EVL: variants seen among roughly 807,000 people sequenced by gnomAD.
EVL encodes the protein ena/VASP-like protein.
EVL carries 21 observed loss-of-function variants against 59.6 expected under a neutral mutation model. That is an observed-to-expected ratio of 0.35 (90% CI 0.25 to 0.51). The LOEUF (loss-of-function observed/expected upper bound fraction) is 0.51. EVL is among the 20% of genes least tolerant of loss of function. The probability of loss-of-function intolerance (pLI) is 0.97; values close to 1 mark genes in which losing one functional copy is unlikely to be tolerated. For missense variants in EVL, 462 were observed against 546.6 expected (o/e 0.85, Z 1.54); for synonymous variants, 198 against 203.5 (o/e 0.97, Z 0.23).
rs544083858 is a variant in EVL, at chr14:100,117,376, G to A, written c.359-6163G>A. ...AGAAGGGGCTCCGCCAGGGGGCTCC[G>A]AGCCGCAGCTTCTCACACTCGCACC... is the stretch of plus-strand genomic sequence containing the variant. On this transcript the variant is annotated intron_variant, in intron 3 of 13. Coordinates refer to ENST00000392920, the MANE Select transcript of EVL (RefSeq NM_016337.3). Among the ~76,000 whole-genome samples, 11 of 152,030 alleles carry A rather than the reference G, an allele frequency of 7.2e-5. No homozygotes were observed. The South Asian group carries it at 1.0e-3, about 14-fold the overall frequency.
intron 1 of EVL, among the ~76,000 whole-genome samples, chr14:100,006,127 G>A (rs866839544): frequency 3.3e-5 from 5 of 151,756 alleles, no homozygotes; most frequent in African/African-American, 7.3e-5. Flanking sequence ...TGATCAGGTC[G>A]GATAGAGTTG....
intron 1 of EVL, among the ~76,000 whole-genome samples, chr14:100,056,034 A>G (rs529610076): frequency 1.3e-5 from 2 of 151,674 alleles, no homozygotes; most frequent in South Asian, 2.1e-4. Flanking sequence ...CTGGTCTCGA[A>G]CTCCTGACCT....
chr14:100,045,350 C>G (rs1438058921), intron 1 of EVL, among the ~76,000 whole-genome samples: 4 of 152,168 alleles, frequency 2.6e-5, no homozygotes, highest in Non-Finnish European at 1.5e-5. Context: ...GCCTTGTTAT[C>G]GCACCTGCCA....
chr14:99,976,714 C>T (rs749946647), intron 1 of EVL, among the ~76,000 whole-genome samples: 2 of 152,304 alleles, frequency 1.3e-5, no homozygotes, highest in South Asian at 2.1e-4. Flanking sequence ...ATTGAAATAT[C>T]TCTAAGCTGA....
intron 4 of EVL, among the ~76,000 whole-genome samples, chr14:100,126,420 A>G (rs997095865): frequency 6.6e-6 from 1 of 152,178 alleles, no homozygotes; most frequent in African/African-American, 2.4e-5. Context: ...AGCCCAGGGA[A>G]GAGCTTGGTC....
intron 13 of EVL, 40 bp from the exon 14 acceptor site, chr14:100,143,661 G>A (rs1298877830): frequency 6.4e-7 from 1 of 1,565,576 alleles, no homozygotes; most frequent in East Asian, 2.3e-5. Context: ...GGGCTGCACT[G>A]GTCATGGCTG....
At chr14:100,003,065 T>C (rs1397090975) in intron 1 of EVL, among the ~76,000 whole-genome samples, 2 of 152,216 alleles carry the variant, frequency 1.3e-5, no homozygotes, top group African/African-American at 4.8e-5. Context: ...TGCATCAGTG[T>C]ACCTATGACG....
At chr14:99,981,335 G>C (rs1447822440) in intron 1 of EVL, among the ~76,000 whole-genome samples, 1 of 152,108 alleles carries the variant, frequency 6.6e-6, no homozygotes, top group East Asian at 1.9e-4. Flanking sequence ...GGGAGGCTGA[G>C]GCAGAAGAAT....
intron 1 of EVL, among the ~76,000 whole-genome samples, chr14:100,010,878 A>G (rs1002371043): frequency 6.6e-6 from 1 of 152,218 alleles, no homozygotes; most frequent in African/African-American, 2.4e-5. Context: ...CTGTGAATCA[A>G]ATGTTCCGTT....
At chr14:100,142,984 C>G (rs1158723037) in intron 13 of EVL, among the ~76,000 whole-genome samples, 2 of 152,238 alleles carry the variant, frequency 1.3e-5, no homozygotes, top group Non-Finnish European at 2.9e-5. Flanking sequence ...AGCTCCCATC[C>G]CCCAGCCCCC....
intron 3 of EVL, among the ~76,000 whole-genome samples, chr14:100,113,125 A>T (rs1887109084): frequency 6.6e-6 from 1 of 151,876 alleles, no homozygotes; most frequent in African/African-American, 2.4e-5. Context: ...GGGGATGGAC[A>T]GACGTTCACC....
intron 1 of EVL, among the ~76,000 whole-genome samples, chr14:100,081,346 A>G (rs950941273): frequency 1.3e-5 from 2 of 152,210 alleles, no homozygotes; most frequent in African/African-American, 4.8e-5. Flanking sequence ...ATAAGCCCAA[A>G]TTAGCAAAAC....
Position 99,972,487 on chromosome 14 carries a change from G to A in EVL, c.5+430G>A, listed in dbSNP as rs1424864705. Among the ~76,000 whole-genome samples, 1 of 152,172 alleles carries A rather than the reference G, an allele frequency of 6.6e-6. No homozygotes were observed. The highest frequency in any genetic ancestry group is 1.5e-5 in the Non-Finnish European group (1 of 68,018). On this transcript the variant is annotated intron_variant, in intron 1 of 13. Coordinates refer to the EVL transcript ENST00000402714. The surrounding 1 kb of genome is among the most constrained non-coding windows in gnomAD (Gnocchi z 4.4). Reference sequence around the variant, plus strand: ...GAGGAGGCTGGCCTGAAGCCCCCAGGCGTTGCCGAAGCCTCCCCCTGCCAG... The same window carrying A: ...GAGGAGGCTGGCCTGAAGCCCCCAGACGTTGCCGAAGCCTCCCCCTGCCAG...
intron 1 of EVL, among the ~76,000 whole-genome samples, chr14:100,046,774 G>A (rs10162592): frequency 1 from 136,481 of 136,524 alleles, 68,219 homozygotes; most frequent in Middle Eastern, 1. Flanking sequence ...TTTTTTTGAG[G>A]AAGAGTCTTG....
intron 1 of EVL, among the ~76,000 whole-genome samples, chr14:100,036,364 CT>C (rs965816797): frequency 6.6e-6 from 1 of 152,102 alleles, no homozygotes. Flanking sequence ...TGTTTGGTTT[CT>C]TTTTTCTGGG....
At chr14:100,104,902 C>CTT (rs568203851) in intron 3 of EVL, among the ~76,000 whole-genome samples, 6 of 99,512 alleles carry the variant, frequency 6.0e-5, no homozygotes, top group South Asian at 7.4e-4. Flanking sequence ...CCTCTCTTTA[C>CTT]TTTTTTTTTT....
At chr14:100,071,061 G>A (rs1490922960) in intron 1 of EVL, among the ~76,000 whole-genome samples, 1 of 152,108 alleles carries the variant, frequency 6.6e-6, no homozygotes, top group Non-Finnish European at 1.5e-5. Flanking sequence ...GATTGCACCA[G>A]ACTTCACAGA....
At chr14:100,046,365 A>T (rs1209858375) in intron 1 of EVL, among the ~76,000 whole-genome samples, 1 of 152,196 alleles carries the variant, frequency 6.6e-6, no homozygotes, top group Non-Finnish European at 1.5e-5. Flanking sequence ...CACAGTGTTG[A>T]CTAAGAATTT....
chr14:99,973,618 A>G (rs1173477916), intron 1 of EVL, among the ~76,000 whole-genome samples: 2 of 152,066 alleles, frequency 1.3e-5, no homozygotes, highest in Non-Finnish European at 2.9e-5. Context: ...ACGTACCACC[A>G]CACCTGGCTG....
Sources: allele counts gnomAD v4.1 joint callset (sites outside exome capture counted in the v4.1 genomes callset), GRCh38; gene constraint gnomAD v4.1.1; non-coding constraint Gnocchi (gnomAD v3.1); transcripts MANE v1.5; gene names NCBI Gene and HGNC (gene_info 2026-07-23, HGNC 2026-07-21).